The following RNF115 variants were observed in gnomAD, a reference collection of about 807,000 sequenced individuals.
The protein encoded by RNF115 is ring finger protein 115, also known as E3 ubiquitin-protein ligase RNF115.
Under a neutral mutation model 39.2 loss-of-function variants are expected in RNF115, and 31 were observed. The ratio of observed to expected loss-of-function variants is 0.79; its 90% CI spans 0.59 to 1.07. The LOEUF (loss-of-function observed/expected upper bound fraction) is 1.07, where lower values mean the gene tolerates loss of function less well. Among genes scored for constraint, RNF115 ranks in the 50% least tolerant of loss-of-function variants. The probability of loss-of-function intolerance (pLI) is 0.00; values close to 1 mark genes in which losing one functional copy is unlikely to be tolerated. For missense variants in RNF115, 384 were observed against 381.7 expected (o/e 1.01, Z -0.05); for synonymous variants, 124 against 131.0 (o/e 0.95, Z 0.37).
At chr1:145,766,546 G>A (rs1340908371) in intron 4 of RNF115, among the ~76,000 whole-genome samples, 4 of 151,380 alleles carry the variant, frequency 2.6e-5, no homozygotes, top group Non-Finnish European at 4.4e-5. Context: ...GGGCAGAGGG[G>A]CTCCTCACTT....
At chr1:145,785,319 TAG>T (rs1293910207) in intron 2 of RNF115, among the ~76,000 whole-genome samples, 15 of 152,356 alleles carry the variant, frequency 9.8e-5, no homozygotes, top group African/African-American at 2.6e-4. Flanking sequence ...CAAATACATG[TAG>T]AGTGTTTAAG....
chr1:145,786,617 T>G (rs1441273076), intron 2 of RNF115, among the ~76,000 whole-genome samples: 2 of 152,212 alleles, frequency 1.3e-5, no homozygotes, highest in Non-Finnish European at 2.9e-5. Flanking sequence ...CATTCTCATT[T>G]ATAACTGTAT....
At chr1:145,786,951 C>T (rs1455318892) in intron 2 of RNF115, 1 of 724,412 alleles carries the variant, frequency 1.4e-6, no homozygotes, top group Non-Finnish European at 2.1e-6. Flanking sequence ...GCCCCAGAAG[C>T]TCCAGCTTAT....
chr1:145,764,131 G>T (rs1228279877), intron 4 of RNF115, among the ~76,000 whole-genome samples: 1 of 152,210 alleles, frequency 6.6e-6, no homozygotes, highest in Non-Finnish European at 1.5e-5. Context: ...GGCCGGGCTG[G>T]TCTCCAGCTC....
At chr1:145,747,100 C>T in intron 8 of RNF115, 103 bp from the exon 9 acceptor site, 1 of 1,215,210 alleles carries the variant, frequency 8.2e-7, no homozygotes, top group Non-Finnish European at 1.2e-6. Context: ...AAAATTATGA[C>T]ATGGAACAGA....
At chr1:145,762,564 AT>A (rs1553714001) in intron 4 of RNF115, among the ~76,000 whole-genome samples, 3 of 152,180 alleles carry the variant, frequency 2.0e-5, no homozygotes, top group Admixed American at 6.5e-5. Flanking sequence ...TATAGATGTA[AT>A]TATCATATAT....
chr1:145,744,083 T>A lies in RNF115; in HGVS notation c.*2783A>T, dbSNP rs1657783441. The stretch of plus-strand genomic sequence containing the variant: ...TCCAGTACTTTGTTTCCACCCTTTT[T>A]AAAGGTACTCAGATCCTTTCTAGTT... On this transcript the variant is annotated 3_prime_UTR_variant, in exon 9 of 9. Coordinates refer to ENST00000582693, the MANE Select transcript of RNF115 (RefSeq NM_014455.4). 6.6e-6 allele frequency: 1 copy of A among 152,448 alleles called. No homozygotes were observed. The highest frequency in any genetic ancestry group is 2.4e-5 in the African/African-American group (1 of 41,496). 9.4% of individuals were successfully genotyped at this position (152,448 alleles called of 1,614,324 possible). A position where few individuals can be genotyped will look rare whatever the true frequency, so the allele number is the denominator to read the frequency against.
chr1:145,751,261 T>C (rs1658076001), intron 6 of RNF115, among the ~76,000 whole-genome samples, 177 bp downstream of exon 6: 1 of 152,220 alleles, frequency 6.6e-6, no homozygotes, highest in Non-Finnish European at 1.5e-5. Context: ...AGGAAGTGCA[T>C]GGATGCTGAG....
At chr1:145,766,981 C>CG (rs1263485878) in intron 4 of RNF115, among the ~76,000 whole-genome samples, 2 of 139,950 alleles carry the variant, frequency 1.4e-5, no homozygotes, top group Non-Finnish European at 3.1e-5. Context: ...GGTGGCTGGC[C>CG]GGGCAGAGGG....
At chr1:145,812,389 G>A (rs1412603238) in intron 1 of RNF115, among the ~76,000 whole-genome samples, 1 of 150,770 alleles carries the variant, frequency 6.6e-6, no homozygotes, top group Non-Finnish European at 1.5e-5. Flanking sequence ...CAGGCGTGGT[G>A]GCTAACACCT....
chr1:145,820,696 A>G (rs1232051330), intron 1 of RNF115, among the ~76,000 whole-genome samples: 2 of 152,208 alleles, frequency 1.3e-5, no homozygotes, highest in Admixed American at 1.3e-4. Flanking sequence ...AGATCGCACC[A>G]CTGCACTCCA....
Position 145,742,878 on chromosome 1 carries a change from A to G in RNF115, c.*3988T>C, listed in dbSNP as rs1553711152. The stretch of plus-strand genomic sequence containing the variant: ...TGCTCAAAGAAAACATTTAAGAAGC[A>G]CCTGTCGGCTGGGAGTGCTAGCTCA... On this transcript the variant is annotated 3_prime_UTR_variant, in exon 9 of 9. Coordinates refer to ENST00000582693, the MANE Select transcript of RNF115 (RefSeq NM_014455.4). The G allele has an allele frequency of 6.6e-6, 1 of 152,112 alleles. No individual in the cohort carries two copies. Among genetic ancestry groups the G allele is most frequent in the Non-Finnish European group, 1.5e-5 (1 of 68,020 alleles). 9.4% of individuals were successfully genotyped at this position (152,112 alleles called of 1,614,324 possible).
intron 1 of RNF115, among the ~76,000 whole-genome samples, chr1:145,806,361 A>T (rs1381637536): frequency 6.6e-6 from 1 of 152,150 alleles, no homozygotes; most frequent in Non-Finnish European, 1.5e-5. Context: ...AAAATAAAAT[A>T]GATAAATAAA....
chr1:145,811,315 C>G (rs1449986059), intron 1 of RNF115, among the ~76,000 whole-genome samples: 3 of 119,388 alleles, frequency 2.5e-5, no homozygotes, highest in Non-Finnish European at 4.9e-5. Context: ...GAGCCTAACT[C>G]AAAACCAGCC....
chr1:145,772,097 T>C (rs1034279591), intron 3 of RNF115, 178 bp from the exon 4 acceptor site: 11 of 568,600 alleles, frequency 1.9e-5, no homozygotes, highest in Middle Eastern at 9.4e-4. Context: ...TCTATACATC[T>C]TCAACTTTAC....
chr1:145,758,991 C>T (rs587731256), intron 4 of RNF115, among the ~76,000 whole-genome samples: 4 of 152,278 alleles, frequency 2.6e-5, no homozygotes, highest in South Asian at 2.1e-4. Flanking sequence ...AACTCACAGA[C>T]GAGAAAAATC....
At chr1:145,803,178 A>G (rs2101592563) in intron 1 of RNF115, among the ~76,000 whole-genome samples, 1 of 152,288 alleles carries the variant, frequency 6.6e-6, no homozygotes, top group South Asian at 2.1e-4. Context: ...TCTGAGCTCA[A>G]GGAGTTGTAA....
chr1:145,820,462 G>A (rs1386191270), intron 1 of RNF115, among the ~76,000 whole-genome samples: 2 of 149,712 alleles, frequency 1.3e-5, no homozygotes, highest in African/African-American at 4.9e-5. Context: ...AAAAGAGGCC[G>A]GGTGCAGTGG....
chr1:145,750,580 A>C (rs782079173), intron 6 of RNF115, 80 bp from the exon 7 acceptor site: 68 of 1,058,910 alleles, frequency 6.4e-5, no homozygotes, highest in Non-Finnish European at 9.0e-5. Flanking sequence ...AGCTGAGAAC[A>C]AACAGTGCAG....
Sources: gnomAD v4.1 joint callset for allele counts (sites outside exome capture counted in the v4.1 genomes callset) on GRCh38, gnomAD v4.1.1 for gene constraint, MANE v1.5 for transcripts, NCBI Gene and HGNC (gene_info 2026-07-23, HGNC 2026-07-21) for gene names.